Variants in ZNF85 observed in about 807,000 individuals in gnomAD.
ZNF85 encodes the protein zinc finger protein 85 (HPF4, HTF1).
ZNF85 carries 50 observed loss-of-function variants against 53.9 expected under a neutral mutation model. The ratio of observed to expected loss-of-function variants is 0.93; its 90% CI spans 0.74 to 1.17. The LOEUF (loss-of-function observed/expected upper bound fraction) is 1.17, where lower values mean the gene tolerates loss of function less well. Ranked by LOEUF, ZNF85 falls within the 50% of genes most tolerant of loss-of-function variation. ZNF85 has a pLI of 0.00. For synonymous variants in ZNF85, 225 were observed against 226.1 expected (o/e 1.00, Z 0.04); for missense variants, 747 against 688.5 (o/e 1.08, Z -0.95).
At chr19:20,940,118 A>G (rs952030403) in intron 3 of ZNF85, among the ~76,000 whole-genome samples, 3 of 151,152 alleles carry the variant, frequency 2.0e-5, no homozygotes, top group Non-Finnish European at 4.4e-5. Context: ...AAAAAAAAAC[A>G]CTTTGTGATA....
At chr19:20,933,152 C>T (rs1021498529) in intron 1 of ZNF85, among the ~76,000 whole-genome samples, 1 of 149,778 alleles carries the variant, frequency 6.7e-6, no homozygotes, top group Admixed American at 6.6e-5. Context: ...GAGATTGCAC[C>T]ACTGCACTCC....
chr19:20,934,218 GT>G (rs1973102666), intron 2 of ZNF85, 68 bp downstream of exon 2: 1 of 1,554,692 alleles, frequency 6.4e-7, no homozygotes, highest in Admixed American at 2.0e-5. Context: ...TTTGTGGAAT[GT>G]TTTTCTGGTA....
chr19:20,948,331 G>T (rs987719093), intron 3 of ZNF85, among the ~76,000 whole-genome samples: 1 of 152,034 alleles, frequency 6.6e-6, no homozygotes, highest in Non-Finnish European at 1.5e-5. Flanking sequence ...AGAAACCAGT[G>T]TCTGGAAAAG....
intron 3 of ZNF85, among the ~76,000 whole-genome samples, chr19:20,939,083 C>CCATA (rs1375860827): frequency 6.6e-6 from 1 of 152,104 alleles, no homozygotes; most frequent in Non-Finnish European, 1.5e-5. Context: ...AATTTTACTG[C>CCATA]CATACAGTGC....
chr19:20,939,033 T>C (rs12052185), intron 3 of ZNF85, among the ~76,000 whole-genome samples: 1,816 of 152,270 alleles, frequency 0.012, 34 homozygotes, highest in African/African-American at 0.034. Flanking sequence ...AAGTTTCTCA[T>C]TACAATATTC....
At position 20,948,843 on chromosome 19, in the gene ZNF85, A is replaced by C. The variant is rs1486430462; in HGVS notation, c.329A>C (p.Glu110Ala). The C allele has an allele frequency of 6.2e-7, 1 of 1,613,170 alleles. No individual in the cohort carries two copies. The change falls in exon 4 of 4, where the codon GAA (glutamate) becomes GCA (alanine). Residue 110 changes from glutamate (E) to alanine (A), a missense_variant. Transcript: ENST00000328178. ...TLKRYGKCRHENLPLRKGCES... is the reference protein window; with the variant it reads ...TLKRYGKCRHANLPLRKGCES... ...AAAAGATATGGAAAATGTAGACATG[A>C]AAATTTACCATTAAGAAAAGGCTGT...
At chr19:20,937,510 T>C in intron 3 of ZNF85, 1 of 354,696 alleles carries the variant, frequency 2.8e-6, no homozygotes, top group Non-Finnish European at 5.5e-6. Flanking sequence ...TAGCTGTAAC[T>C]CCCATTTTAT....
chr19:20,947,034 G>A lies in ZNF85; in HGVS notation c.230-1710G>A, dbSNP rs2144669864. 2.0e-5 allele frequency among the ~76,000 whole-genome samples: 3 copies of A among 151,128 alleles called. No individual in the cohort carries two copies. The South Asian group carries it at 6.3e-4, about 32-fold the overall frequency. On this transcript the variant is annotated intron_variant, in intron 3 of 3. Coordinates refer to ENST00000328178, the MANE Select transcript of ZNF85 (RefSeq NM_003429.5). ...CAATTTTCTCTCTCTCTTTCTTTGT[G>A]TCATTTTTATTTTTGTACTAATATG...
At chr19:20,934,854 A>T in intron 2 of ZNF85, 95 bp from the exon 3 acceptor site, 1 of 610,962 alleles carries the variant, frequency 1.6e-6, no homozygotes, top group Non-Finnish European at 2.6e-6. Context: ...GTTATAAATT[A>T]GTATTTTGGG....
Position 20,950,369 on chromosome 19 carries a change from A to G in ZNF85, c.*67A>G. 1 of 1,122,260 alleles carries G rather than the reference A, an allele frequency of 8.9e-7. No individual in the cohort carries two copies. 69.5% of individuals were successfully genotyped at this position (1,122,260 alleles called of 1,614,324 possible). On this transcript the variant is annotated 3_prime_UTR_variant, in exon 4 of 4. Transcript: ENST00000328178. Reference sequence around the variant, plus strand: ...ACATAAGAAAATTTATACTGGAGAGAAACTACTAACCTGAAAGATGTGACA... The same window carrying G: ...ACATAAGAAAATTTATACTGGAGAGGAACTACTAACCTGAAAGATGTGACA...
At chr19:20,933,682 G>A (rs1973081186) in intron 1 of ZNF85, among the ~76,000 whole-genome samples, 1 of 152,054 alleles carries the variant, frequency 6.6e-6, no homozygotes, top group African/African-American at 2.4e-5. Flanking sequence ...AACTCATTCT[G>A]TAGAATGTGT....
At position 20,949,215 on chromosome 19, in the gene ZNF85, A is replaced by G. The variant is rs1844731482; in HGVS notation, c.701A>G (p.Glu234Gly). 6.2e-7 allele frequency: 1 copy of G among 1,613,216 alleles called. No individual in the cohort carries two copies. Among genetic ancestry groups the G allele is most frequent in the Non-Finnish European group, 8.5e-7 (1 of 1,179,746 alleles). Reference sequence around the variant, plus strand: ...GGAGAGAAACCTTACAAATGTGAAGAATGTGGTAAAGCCTTTAACCAGTCC... The same window carrying G: ...GGAGAGAAACCTTACAAATGTGAAGGATGTGGTAAAGCCTTTAACCAGTCC... ...HTGEKPYKCE[E>G]CGKAFNQSSN... The change falls in exon 4 of 4, where the codon GAA becomes GGA. Residue 234 changes from glutamate (E) to glycine (G), a missense_variant. Transcript: ENST00000328178.
In ZNF85 at chr19:20,950,115, G is replaced by T. The variant is rs900714258; in HGVS notation, c.1601G>T (p.Gly534Val). The T allele has an allele frequency of 8.7e-6, 14 of 1,613,268 alleles. No individual in the cohort carries two copies. Among genetic ancestry groups the T allele is most frequent in the African/African-American group, 1.3e-5 (1 of 74,834 alleles). Reference protein sequence around the residue: ...KLTKHKKIHTGEKPYTCEECG... With the variant: ...KLTKHKKIHTVEKPYTCEECG... ...ACCAAACATAAGAAAATTCATACTGGAGAGAAACCCTACACATGTGAAGAA... is the reference window on the plus strand; with the variant it reads ...ACCAAACATAAGAAAATTCATACTGTAGAGAAACCCTACACATGTGAAGAA... Residue 534 changes from glycine to valine, a missense_variant, in exon 4 of 4, where the codon GGA (glycine) becomes GTA (valine). Transcript: ENST00000328178.
intron 3 of ZNF85, chr19:20,943,064 G>C (rs1054688): frequency 0.22 from 93,292 of 422,744 alleles, 11,293 homozygotes; most frequent in Non-Finnish European, 0.25. Flanking sequence ...GTATGAGCCT[G>C]TTCACCCAGC....
intron 1 of ZNF85, among the ~76,000 whole-genome samples, chr19:20,930,078 G>A (rs1972973235): frequency 7.8e-6 from 1 of 128,212 alleles, no homozygotes; most frequent in Admixed American, 9.9e-5. Context: ...CTGAGATCAT[G>A]CCATTGCACT....
At chr19:20,934,264 G>A in intron 2 of ZNF85, 114 bp downstream of exon 2, 6 of 1,367,354 alleles carry the variant, frequency 4.4e-6, no homozygotes, top group Non-Finnish European at 5.9e-6. Flanking sequence ...TCAGATCCCT[G>A]TTTTCAAGAA....
At chr19:20,928,318 A>C (rs113967535) in intron 1 of ZNF85, 3 of 152,326 alleles carry the variant, frequency 2.0e-5, no homozygotes, top group African/African-American at 7.2e-5. Context: ...AACTCTATAG[A>C]TTTGATACCA....
chr19:20,943,539 A>G (rs566469906), intron 3 of ZNF85: 2 of 151,490 alleles, frequency 1.3e-5, no homozygotes, highest in African/African-American at 4.8e-5. Flanking sequence ...AGTCTGCCCA[A>G]CGATGAACCA....
intron 3 of ZNF85, among the ~76,000 whole-genome samples, chr19:20,948,459 T>G (rs11085414): frequency 0.11 from 17,167 of 150,046 alleles, 1,000 homozygotes; most frequent in Non-Finnish European, 0.13. Flanking sequence ...GCAACCGAAA[T>G]AGCTGTGTTG....
Sources: gnomAD v4.1 joint callset for allele counts (sites outside exome capture counted in the v4.1 genomes callset) on GRCh38, gnomAD v4.1.1 for gene constraint, MANE v1.5 for transcripts, NCBI Gene and HGNC (gene_info 2026-07-23, HGNC 2026-07-21) for gene names.